ARPP21: variants seen among roughly 807,000 people sequenced by gnomAD.
ARPP21 encodes cAMP regulated phosphoprotein 21.
A neutral mutation model predicts 113.2 loss-of-function variants in ARPP21; 69 were observed. The observed-to-expected ratio is 0.61, with a 90% CI of 0.50 to 0.74. The LOEUF is 0.74. ARPP21 is among the 30% of genes least tolerant of loss of function. The pLI is 0.00. For synonymous variants in ARPP21, 368 were observed against 375.5 expected, an observed-to-expected ratio of 0.98 and a Z score of 0.23; for missense variants, 1,070 against 1,037.4, an observed-to-expected ratio of 1.03 and a Z score of -0.43.
At chr3:35,790,211 T>C (rs1203412626) in intron 19 of ARPP21, among the ~76,000 whole-genome samples, 1 of 152,212 alleles carries the variant, frequency 6.6e-6, no homozygotes, top group Non-Finnish European at 1.5e-5. Flanking sequence ...GCTTTCAATC[T>C]TCAGCCAGAA....
At chr3:35,762,126 T>TCACACACACA (rs371775285) in intron 19 of ARPP21, among the ~76,000 whole-genome samples, 57 of 126,956 alleles carry the variant, frequency 4.5e-4, no homozygotes, top group African/African-American at 1.5e-3. Context: ...TCTCTCTCTC[T>TCACACACACA]CACACACACA....
chr3:35,751,314 A>G (rs1472647414), intron 19 of ARPP21, among the ~76,000 whole-genome samples: 1 of 152,156 alleles, frequency 6.6e-6, no homozygotes, highest in African/African-American at 2.4e-5. Flanking sequence ...AAGCAGTTTC[A>G]TAGAGCATTT....
chr3:35,686,534 T>C (rs986841895), intron 5 of ARPP21, among the ~76,000 whole-genome samples: 1 of 151,686 alleles, frequency 6.6e-6, no homozygotes, highest in Non-Finnish European at 1.5e-5. Context: ...CTTTTCTTTA[T>C]GCTTGTTAGA....
At chr3:35,753,500 C>A (rs141839104) in intron 19 of ARPP21, among the ~76,000 whole-genome samples, 2 of 151,972 alleles carry the variant, frequency 1.3e-5, no homozygotes, top group Admixed American at 1.3e-4. Context: ...AATAACCAGA[C>A]TGTGAAAATG....
chr3:35,664,534 C>A (rs1418868751), intron 1 of ARPP21, among the ~76,000 whole-genome samples: 1 of 152,166 alleles, frequency 6.6e-6, no homozygotes, highest in African/African-American at 2.4e-5. Context: ...TCTGCCAGAG[C>A]GTTCACGATG....
intron 11 of ARPP21, chr3:35,715,236 G>A (rs1257901818): frequency 3.9e-6 from 2 of 515,674 alleles, no homozygotes; most frequent in Admixed American, 3.2e-5. Context: ...CGTCCTGAAG[G>A]AAAAATACCC....
At chr3:35,759,270 C>T (rs986104374) in intron 19 of ARPP21, among the ~76,000 whole-genome samples, 3 of 152,154 alleles carry the variant, frequency 2.0e-5, no homozygotes, top group East Asian at 1.9e-4. Flanking sequence ...CCTAAATGCT[C>T]GCTATGCCTA....
At chr3:35,755,539 G>A (rs1020373194) in intron 19 of ARPP21, among the ~76,000 whole-genome samples, 2 of 151,966 alleles carry the variant, frequency 1.3e-5, no homozygotes, top group South Asian at 2.1e-4. Flanking sequence ...TCCATTATGA[G>A]ATAGGACACT....
chr3:35,739,112 T>C (rs576271015), intron 17 of ARPP21, among the ~76,000 whole-genome samples: 3 of 152,376 alleles, frequency 2.0e-5, no homozygotes, highest in Admixed American at 6.5e-5. Context: ...CATCTCTGAC[T>C]CTCTTGGGAT....
intron 14 of ARPP21, among the ~76,000 whole-genome samples, chr3:35,722,447 A>G (rs1425023000): frequency 6.6e-6 from 1 of 152,240 alleles, no homozygotes; most frequent in Admixed American, 6.5e-5. Context: ...GAAGACTGAA[A>G]GAGTCAGTAT....
rs1402426719 is a variant in ARPP21, at chr3:35,707,224, TCTC to T, written c.795+148_795+150del. ...ACCACTGTCCTATCTCCAACCTCCT[TCTC>T]CTCCTTCCCTCCCCCTTTGGCATTC... is the stretch of plus-strand genomic sequence containing the variant. On this transcript the variant is annotated intron_variant, in intron 10 of 20. Coordinates refer to ENST00000684406, the MANE Select transcript of ARPP21 (RefSeq NM_001385562.1). 1.1e-5 allele frequency: 7 copies of T among 662,866 alleles called. No individual in the cohort carries two copies. The Admixed American group carries it at 1.5e-4, about 14-fold the overall frequency. The allele number at this position is 662,866 out of a possible 1,614,324, so 41.1% of individuals were successfully genotyped here.
intron 1 of ARPP21, among the ~76,000 whole-genome samples, chr3:35,647,853 C>T (rs1021722161): frequency 6.6e-6 from 1 of 152,156 alleles, no homozygotes; most frequent in Non-Finnish European, 1.5e-5. Context: ...ATTGCTTCAA[C>T]TTTCTCATTT....
chr3:35,668,011 GA>G (rs1242791399), intron 1 of ARPP21, among the ~76,000 whole-genome samples: 7 of 150,092 alleles, frequency 4.7e-5, no homozygotes, highest in East Asian at 3.9e-4. Context: ...AGAAGAAGAA[GA>G]AGAAGAAGAA....
intron 19 of ARPP21, among the ~76,000 whole-genome samples, chr3:35,775,798 A>G (rs560506715): frequency 6.6e-6 from 1 of 152,220 alleles, no homozygotes; most frequent in South Asian, 2.1e-4. Flanking sequence ...TTTTTTTGAA[A>G]GAATAAAGGC....
Position 35,697,869 on chromosome 3 carries a change from C to T in ARPP21, c.686+6864C>T, listed in dbSNP as rs145385255. Reference sequence around the variant, plus strand: ...TTATCTTCCTTTGGCTAGGAATGTGCGTGGCTCTGTGAATAAACTGAGCAT... The same window carrying T: ...TTATCTTCCTTTGGCTAGGAATGTGTGTGGCTCTGTGAATAAACTGAGCAT... On this transcript the variant is annotated intron_variant, in intron 9 of 20. Transcript: ENST00000684406. 4.5e-4 allele frequency among the ~76,000 whole-genome samples: 69 copies of T among 151,682 alleles called. 1 individual carries two copies. The East Asian group carries it at 9.2e-3, about 20-fold the overall frequency.
intron 19 of ARPP21, among the ~76,000 whole-genome samples, chr3:35,783,519 T>A (rs1470681379): frequency 2.0e-5 from 3 of 152,108 alleles, no homozygotes; most frequent in Non-Finnish European, 4.4e-5. Flanking sequence ...TGTGTCTCTT[T>A]TCTCTGTTGC....
chr3:35,729,055 G>C (rs751906613), intron 14 of ARPP21, among the ~76,000 whole-genome samples: 1 of 152,172 alleles, frequency 6.6e-6, no homozygotes, highest in African/African-American at 2.4e-5. Flanking sequence ...TTGTGAAAAG[G>C]CTGAGAGAAA....
At chr3:35,765,901 A>G (rs1417843993) in intron 19 of ARPP21, among the ~76,000 whole-genome samples, 1 of 152,180 alleles carries the variant, frequency 6.6e-6, no homozygotes, top group Non-Finnish European at 1.5e-5. Context: ...TGTAAAATAA[A>G]GAAGATCTGA....
intron 1 of ARPP21, among the ~76,000 whole-genome samples, chr3:35,648,132 T>C (rs1409529790): frequency 1.3e-5 from 2 of 152,180 alleles, no homozygotes; most frequent in Non-Finnish European, 2.9e-5. Flanking sequence ...CTATGAAATA[T>C]TGAAGGCCAA....
Sources: allele counts gnomAD v4.1 joint callset (sites outside exome capture counted in the v4.1 genomes callset), GRCh38; gene constraint gnomAD v4.1.1; transcripts MANE v1.5; gene names NCBI Gene and HGNC (gene_info 2026-07-23, HGNC 2026-07-21).